The following RBFOX1 variants were observed in gnomAD, a reference collection of about 807,000 sequenced individuals.
RBFOX1 encodes RNA binding fox-1 homolog 1.
Under a neutral mutation model 57.7 loss-of-function variants are expected in RBFOX1, and 8 were observed. The ratio of observed to expected loss-of-function variants is 0.14; its 90% CI spans 0.08 to 0.25. RBFOX1 has a LOEUF of 0.25. RBFOX1 is among the 10% of genes least tolerant of loss of function. The probability of loss-of-function intolerance (pLI) is 1.00; values close to 1 mark genes in which losing one functional copy is unlikely to be tolerated. For synonymous variants in RBFOX1, 326 were observed against 222.4 expected (o/e 1.47, Z -4.15); for missense variants, 611 against 548.5 (o/e 1.11, Z -1.14).
chr16:6,905,069 C>T (rs945607046), intron 3 of RBFOX1, among the ~76,000 whole-genome samples: 64 of 152,208 alleles, frequency 4.2e-4, no homozygotes, highest in African/African-American at 1.5e-3. Flanking sequence ...TAATAAACTT[C>T]GTTTAACTTT....
At chr16:7,557,980 A>G (rs1466716245) in intron 5 of RBFOX1, among the ~76,000 whole-genome samples, 2 of 152,130 alleles carry the variant, frequency 1.3e-5, no homozygotes, top group Non-Finnish European at 2.9e-5. Flanking sequence ...ACAAACAAAA[A>G]ACCTCAAGAG....
chr16:5,633,866 A>AG (rs1481849130), intron 3 of RBFOX1, among the ~76,000 whole-genome samples: 1 of 151,332 alleles, frequency 6.6e-6, no homozygotes, highest in African/African-American at 2.4e-5. Context: ...AAAAAAAAAA[A>AG]GTAGACAAAG....
At chr16:5,819,380 C>G (rs1255064599) in intron 3 of RBFOX1, among the ~76,000 whole-genome samples, 6 of 152,154 alleles carry the variant, frequency 3.9e-5, no homozygotes, top group Admixed American at 2.0e-4. Context: ...TTATTTAGAC[C>G]ACAGCACCTG....
At chr16:6,762,972 AT>A (rs2076834845) in intron 3 of RBFOX1, among the ~76,000 whole-genome samples, 1 of 152,202 alleles carries the variant, frequency 6.6e-6, no homozygotes, top group South Asian at 2.1e-4. Context: ...AGATAGAGGA[AT>A]ACAGCAAAGA....
chr16:7,105,848 C>T (rs1054271940), intron 4 of RBFOX1, among the ~76,000 whole-genome samples: 6 of 152,038 alleles, frequency 3.9e-5, no homozygotes, highest in South Asian at 2.1e-4. Flanking sequence ...TGGGCATTTG[C>T]GTTGGAGGAA....
intron 4 of RBFOX1, among the ~76,000 whole-genome samples, chr16:5,893,549 G>A (rs1400068918): frequency 6.6e-6 from 1 of 152,182 alleles, no homozygotes. Context: ...GCTCACACCT[G>A]TAATCCCAGC....
intron 2 of RBFOX1, among the ~76,000 whole-genome samples, chr16:6,575,083 G>A (rs181496235): frequency 4.0e-5 from 6 of 151,110 alleles, no homozygotes; most frequent in South Asian, 2.1e-4. Context: ...GAATGCTATC[G>A]TGTAGTTGCT....
chr16:7,651,148 G>A (rs1049660214), intron 11 of RBFOX1, among the ~76,000 whole-genome samples: 5 of 152,156 alleles, frequency 3.3e-5, no homozygotes, highest in Admixed American at 2.6e-4. Flanking sequence ...TACAATCCTC[G>A]TATTTTACCC....
chr16:7,155,945 C>T (rs896612706), intron 4 of RBFOX1, among the ~76,000 whole-genome samples: 2 of 151,648 alleles, frequency 1.3e-5, no homozygotes, highest in Non-Finnish European at 2.9e-5. Context: ...AAAAACTGAT[C>T]TATTTTTCCA....
In RBFOX1 at chr16:5,424,922, T is replaced by TCTTC. The variant is rs1335686777; in HGVS notation, c.220-42291_220-42290insCCTT. On this transcript the variant is annotated intron_variant, in intron 1 of 2. Transcript: ENST00000585867. ...TTCTTTCTTTCTTTCTTTCTTTCTT[T>TCTTC]CTTTCTTTCTTTCTCTCTCTTCTTT... Among the ~76,000 whole-genome samples, 70 of 124,440 alleles carry TCTTC rather than the reference T, an allele frequency of 5.6e-4. 2 individuals carry two copies. Among genetic ancestry groups the TCTTC allele is most frequent in the Non-Finnish European group, 7.4e-4 (45 of 60,906 alleles). The allele number at this position is 124,440 out of a possible 152,430, so 81.6% of individuals were successfully genotyped here. A position where few individuals can be genotyped will look rare whatever the true frequency, so the allele number is the denominator to read the frequency against.
intron 2 of RBFOX1, among the ~76,000 whole-genome samples, chr16:6,432,066 A>G (rs2094116152): frequency 6.6e-6 from 1 of 151,900 alleles, no homozygotes; most frequent in Non-Finnish European, 1.5e-5. Context: ...AGTTCAACGG[A>G]ACCTCCTGCC....
chr16:7,626,802 T>C (rs1432277659), intron 10 of RBFOX1, among the ~76,000 whole-genome samples: 1 of 152,118 alleles, frequency 6.6e-6, no homozygotes, highest in Non-Finnish European at 1.5e-5. Flanking sequence ...GCAAAGAGGG[T>C]AGAAGTGGAG....
intron 3 of RBFOX1, among the ~76,000 whole-genome samples, chr16:6,739,297 A>G (rs1249144357): frequency 2.6e-5 from 4 of 152,080 alleles, no homozygotes; most frequent in African/African-American, 7.2e-5. Flanking sequence ...GAATATTACT[A>G]TAGACCCTGC....
intron 4 of RBFOX1, among the ~76,000 whole-genome samples, chr16:7,054,545 T>TGGGTGG (rs1555823211): frequency 1.8e-5 from 2 of 108,404 alleles, no homozygotes; most frequent in Admixed American, 1.0e-4. Context: ...CAAACCTGGG[T>TGGGTGG]GGGGGGGCAT....
chr16:5,491,119 G>A (rs1262087696), intron 2 of RBFOX1, among the ~76,000 whole-genome samples: 1 of 152,106 alleles, frequency 6.6e-6, no homozygotes, highest in Non-Finnish European at 1.5e-5. Flanking sequence ...CGTCATATCT[G>A]CAGTCTGTCA....
At chr16:5,334,420 G>A (rs7201700) in intron 1 of RBFOX1, among the ~76,000 whole-genome samples, 137,063 of 152,118 alleles carry the variant, frequency 0.9, 63,499 homozygotes, top group East Asian at 1. Flanking sequence ...TTCCTGCTCT[G>A]TCAGACTGTA....
At chr16:5,977,407 G>A (rs375018096) in intron 4 of RBFOX1, among the ~76,000 whole-genome samples, 2 of 152,120 alleles carry the variant, frequency 1.3e-5, no homozygotes, top group African/African-American at 2.4e-5. Context: ...GTGTCCCTAC[G>A]ATCCCTGGTA....
chr16:7,697,345 G>T (rs917558296), intron 14 of RBFOX1, among the ~76,000 whole-genome samples: 1 of 152,036 alleles, frequency 6.6e-6, no homozygotes, highest in Non-Finnish European at 1.5e-5. Context: ...TTGTTCTAAG[G>T]GTCTATCAGT....
At chr16:6,551,704 C>T (rs1012872742) in intron 2 of RBFOX1, among the ~76,000 whole-genome samples, 2 of 152,082 alleles carry the variant, frequency 1.3e-5, no homozygotes, top group African/African-American at 2.4e-5. Flanking sequence ...AGATTAGAGC[C>T]AAAATGAATA....
Sources: allele counts gnomAD v4.1 joint callset (sites outside exome capture counted in the v4.1 genomes callset), GRCh38; gene constraint gnomAD v4.1.1; transcripts MANE v1.5; gene names NCBI Gene and HGNC (gene_info 2026-07-23, HGNC 2026-07-21).